STK24: variants seen among roughly 807,000 people sequenced by gnomAD.
STK24 encodes the protein serine/threonine-protein kinase 24.
STK24 carries 21 observed loss-of-function variants against 55.6 expected under a neutral mutation model. That is an observed-to-expected ratio of 0.38 (90% confidence interval 0.27 to 0.54). The LOEUF is 0.54. Among genes scored for constraint, STK24 ranks in the 20% least tolerant of loss-of-function variants. The pLI is 0.79. For missense variants in STK24, 383 were observed against 538.4 expected (o/e 0.71, Z 2.86); for synonymous variants, 200 against 215.2 (o/e 0.93, Z 0.62).
Position 98,494,239 on chromosome 13 carries a change from G to A in STK24, c.274-11918C>T, listed in dbSNP as rs1480122401. Among the ~76,000 whole-genome samples, 84 of 147,706 alleles carry A rather than the reference G, an allele frequency of 5.7e-4. No individual in the cohort carries two copies. In the East Asian group the frequency reaches 0.012, roughly 21 times the overall value. Reference sequence around the variant, plus strand: ...ATCCTGGCTAACACGGTGAAACCCCGTCTCTACTAAAAATACAAAAATTAG... The same window carrying A: ...ATCCTGGCTAACACGGTGAAACCCCATCTCTACTAAAAATACAAAAATTAG... On this transcript the variant is annotated intron_variant, in intron 2 of 10. Transcript: ENST00000539966.
intron 1 of STK24, among the ~76,000 whole-genome samples, chr13:98,546,964 T>C (rs1184396000): frequency 1.3e-5 from 2 of 152,046 alleles, no homozygotes; most frequent in Non-Finnish European, 2.9e-5. Flanking sequence ...CAGGATGGAG[T>C]GCAATGGCAC....
At position 98,446,548 on chromosome 13, in the gene STK24, C is replaced by T. The variant is rs2139173681; in HGVS notation, c.*6625G>A. ...TGGCTGCCATGGTCCCTTCCAGGCC[C>T]ACGCCCGAGGAGGGAGCTGCCTGGG... On this transcript the variant is annotated 3_prime_UTR_variant, in exon 11 of 11. Coordinates refer to ENST00000539966, the MANE Select transcript of STK24 (RefSeq NM_001032296.4). The T allele has an allele frequency of 1.9e-6, 2 of 1,053,252 alleles. No individual in the cohort carries two copies. Among genetic ancestry groups the T allele is most frequent in the East Asian group, 2.4e-5 (1 of 42,172 alleles). 65.2% of individuals were successfully genotyped at this position (1,053,252 alleles called of 1,614,324 possible). A position where few individuals can be genotyped will look rare whatever the true frequency, so the allele number is the denominator to read the frequency against.
At chr13:98,503,840 C>A (rs1188327570) in intron 2 of STK24, among the ~76,000 whole-genome samples, 1 of 152,132 alleles carries the variant, frequency 6.6e-6, no homozygotes, top group Non-Finnish European at 1.5e-5. Context: ...ATGTGACTGC[C>A]CCCAGGAACA....
chr13:98,494,412 CAAAAAA>C (rs1162677599), intron 2 of STK24, among the ~76,000 whole-genome samples: 1 of 66,726 alleles, frequency 1.5e-5, no homozygotes, highest in African/African-American at 5.3e-5. Context: ...AGACTCGTCT[CAAAAAA>C]AAAAAAAAAA....
Position 98,535,363 on chromosome 13 carries a change from A to AACAAAC in STK24, c.43-15891_43-15890insGTTTGT, listed in dbSNP as rs1417013457. On this transcript the variant is annotated intron_variant, in intron 1 of 10. Coordinates refer to ENST00000539966, the MANE Select transcript of STK24 (RefSeq NM_001032296.4). ...AAACAAACAAACAAACAAACAAACA[A>AACAAAC]AAAAAAAATATATATATATATATAT... 3.4e-3 allele frequency among the ~76,000 whole-genome samples: 99 copies of AACAAAC among 29,532 alleles called. 4 individuals carry two copies. In the South Asian group the frequency reaches 0.045, roughly 13 times the overall value. The allele number at this position is 29,532 out of a possible 152,430, so 19.4% of individuals were successfully genotyped here.
At chr13:98,535,366 AAAAAATAT>A (rs760535575) in intron 1 of STK24, among the ~76,000 whole-genome samples, 2,613 of 39,392 alleles carry the variant, frequency 0.066, 42 homozygotes, top group South Asian at 0.21. Context: ...ACAAACAAAA[AAAAAATAT>A]ATATATATAT....
At chr13:98,484,452 C>A (rs1175423112) in intron 2 of STK24, among the ~76,000 whole-genome samples, 2 of 152,160 alleles carry the variant, frequency 1.3e-5, no homozygotes, top group Non-Finnish European at 2.9e-5. Context: ...AGGTAATCTC[C>A]CCGCCTCTTC....
chr13:98,563,244 T>C (rs1028378525), intron 1 of STK24, among the ~76,000 whole-genome samples: 2 of 152,196 alleles, frequency 1.3e-5, no homozygotes, highest in African/African-American at 4.8e-5. Flanking sequence ...TGGGAGTGTG[T>C]ACCCAGAATA....
chr13:98,534,856 G>C (rs1387251878), intron 1 of STK24, among the ~76,000 whole-genome samples: 1 of 152,194 alleles, frequency 6.6e-6, no homozygotes, highest in Non-Finnish European at 1.5e-5. Context: ...AATTTTCAGA[G>C]AGGCTGATTT....
chr13:98,501,707 T>C (rs1370036892), intron 2 of STK24, among the ~76,000 whole-genome samples: 1 of 152,010 alleles, frequency 6.6e-6, no homozygotes, highest in Admixed American at 6.6e-5. Context: ...CAATAAAAAA[T>C]TTTACAAAAT....
In STK24 at chr13:98,446,554, C is replaced by T. The variant is rs369875852; in HGVS notation, c.*6619G>A. The T allele has an allele frequency of 8.9e-5, 103 of 1,153,092 alleles. 1 individual carries two copies. The highest frequency in any genetic ancestry group is 8.6e-4 in the South Asian group (62 of 72,414). 71.4% of individuals were successfully genotyped at this position (1,153,092 alleles called of 1,614,324 possible). ...CCATGGTCCCTTCCAGGCCCACGCC[C>T]GAGGAGGGAGCTGCCTGGGCTCCCA... On this transcript the variant is annotated 3_prime_UTR_variant, in exon 11 of 11. Coordinates refer to ENST00000539966, the MANE Select transcript of STK24 (RefSeq NM_001032296.4).
chr13:98,570,386 G>A lies in STK24; in HGVS notation c.42+6359C>T, dbSNP rs571498378. 1.3e-4 allele frequency among the ~76,000 whole-genome samples: 20 copies of A among 152,176 alleles called. 1 individual carries two copies. Among genetic ancestry groups the A allele is most frequent in the Non-Finnish European group, 2.8e-4 (19 of 68,038 alleles). The stretch of plus-strand genomic sequence containing the variant: ...AGTAATTACAAATAAAACAAAGGAT[G>A]TGGACCTGTAACAGTTCTTTCAAAC... On this transcript the variant is annotated intron_variant, in intron 1 of 10. Transcript: ENST00000539966.
chr13:98,469,244 G>A (rs1230634144), intron 5 of STK24, among the ~76,000 whole-genome samples: 2 of 152,194 alleles, frequency 1.3e-5, no homozygotes, highest in African/African-American at 4.8e-5. Context: ...AGCCAGTACA[G>A]CACCATCAAG....
At chr13:98,490,809 C>CA in intron 2 of STK24, among the ~76,000 whole-genome samples, 1 of 151,050 alleles carries the variant, frequency 6.6e-6, no homozygotes, top group East Asian at 1.9e-4. Context: ...AACCCACTCC[C>CA]ATAGGGAAGG....
At chr13:98,527,914 G>A (rs779792595) in intron 1 of STK24, among the ~76,000 whole-genome samples, 1 of 152,198 alleles carries the variant, frequency 6.6e-6, no homozygotes, top group African/African-American at 2.4e-5. Context: ...GTTCATGCTG[G>A]CGTCTTGCAG....
At chr13:98,512,108 G>C (rs568616075) in intron 2 of STK24, among the ~76,000 whole-genome samples, 1 of 151,952 alleles carries the variant, frequency 6.6e-6, no homozygotes, top group Non-Finnish European at 1.5e-5. Context: ...GGCTGGTTTC[G>C]AACTTCTGAC....
chr13:98,475,078 A>G, intron 4 of STK24, 100 bp from the exon 5 acceptor site: 1 of 1,477,240 alleles, frequency 6.8e-7, no homozygotes, highest in Non-Finnish European at 9.0e-7. Context: ...GAACCCACCG[A>G]GCACAGGCAC....
chr13:98,528,992 A>G (rs918298121), intron 1 of STK24, among the ~76,000 whole-genome samples: 2 of 152,020 alleles, frequency 1.3e-5, no homozygotes, highest in Non-Finnish European at 2.9e-5. Context: ...TGAATCACAA[A>G]CACTCTCCTA....
intron 2 of STK24, among the ~76,000 whole-genome samples, chr13:98,496,093 G>T (rs1465721793): frequency 6.6e-6 from 1 of 152,246 alleles, no homozygotes; most frequent in Non-Finnish European, 1.5e-5. Context: ...CTACACTCAT[G>T]CGGGAGGGGA....
Sources: gnomAD v4.1 joint callset for allele counts (sites outside exome capture counted in the v4.1 genomes callset) on GRCh38, gnomAD v4.1.1 for gene constraint, MANE v1.5 for transcripts, NCBI Gene and HGNC (gene_info 2026-07-23, HGNC 2026-07-21) for gene names.